The following CSNK2A2IP variants were observed in gnomAD, a reference collection of about 807,000 sequenced individuals.
The protein encoded by CSNK2A2IP is casein kinase 2 subunit alpha' interacting protein.
the CSNK2A2IP span, among the ~76,000 whole-genome samples, chr3:88,421,139 A>T: frequency 6.6e-6 from 1 of 152,124 alleles, no homozygotes; most frequent in Admixed American, 6.5e-5. Flanking sequence ...AGGTTTGCAT[A>T]ACATTCTTTA....
the CSNK2A2IP span, among the ~76,000 whole-genome samples, chr3:88,459,775 A>AT: frequency 2.0e-5 from 3 of 152,152 alleles, no homozygotes; most frequent in African/African-American, 7.2e-5. Flanking sequence ...ATGTTATCAA[A>AT]TGAGTGTTTA....
chr3:88,411,185 A>G, the CSNK2A2IP span, among the ~76,000 whole-genome samples: 23 of 152,090 alleles, frequency 1.5e-4, 1 homozygote, highest in East Asian at 1.7e-3. Context: ...TGATTAAATT[A>G]AAATGCATTT....
chr3:88,346,146 G>A, the CSNK2A2IP span, among the ~76,000 whole-genome samples: 6 of 152,068 alleles, frequency 3.9e-5, no homozygotes, highest in Middle Eastern at 3.4e-3. Flanking sequence ...TCAATTCTAC[G>A]AAGGCTGGAA....
the CSNK2A2IP span, among the ~76,000 whole-genome samples, chr3:88,427,314 G>A: frequency 2.6e-5 from 4 of 152,260 alleles, no homozygotes; most frequent in East Asian, 1.9e-4. Flanking sequence ...GCTGCAAAGC[G>A]TTCAAGAGGA....
chr3:88,428,585 TG>T, the CSNK2A2IP span, among the ~76,000 whole-genome samples: 2 of 152,174 alleles, frequency 1.3e-5, no homozygotes, highest in Non-Finnish European at 2.9e-5. Flanking sequence ...GCCCTCATGC[TG>T]TTCTCGTGAT....
At chr3:88,442,932 GTAATTTTT>G in the CSNK2A2IP span, among the ~76,000 whole-genome samples, 1 of 151,746 alleles carries the variant, frequency 6.6e-6, no homozygotes, top group Non-Finnish European at 1.5e-5. Context: ...TGTTTTCATT[GTAATTTTT>G]TACAATATAA....
the CSNK2A2IP span, among the ~76,000 whole-genome samples, chr3:88,398,102 T>G: frequency 2.6e-5 from 4 of 152,092 alleles, no homozygotes; most frequent in African/African-American, 9.7e-5. Context: ...CTCAGAGAAA[T>G]ATGCTGAATT....
At chr3:88,364,518 AATT>A in the CSNK2A2IP span, among the ~76,000 whole-genome samples, 4 of 152,084 alleles carry the variant, frequency 2.6e-5, no homozygotes, top group African/African-American at 4.8e-5. Context: ...AATAATAAAG[AATT>A]ATTATTATCT....
chr3:88,445,005 A>G, the CSNK2A2IP span, among the ~76,000 whole-genome samples: 1 of 152,078 alleles, frequency 6.6e-6, no homozygotes, highest in East Asian at 1.9e-4. Flanking sequence ...TGATCTTATG[A>G]TAATTTGATA....
At chr3:88,446,208 C>A in the CSNK2A2IP span, among the ~76,000 whole-genome samples, 6 of 151,828 alleles carry the variant, frequency 4.0e-5, no homozygotes, top group African/African-American at 1.2e-4. Context: ...CATGCCTCAG[C>A]CTCCCGAGTA....
At chr3:88,342,236 C>A in the CSNK2A2IP span, among the ~76,000 whole-genome samples, 1 of 152,062 alleles carries the variant, frequency 6.6e-6, no homozygotes, top group Non-Finnish European at 1.5e-5. Flanking sequence ...TCAAAGTTAG[C>A]CTAAAGCTGC....
chr3:88,434,894 A>G, the CSNK2A2IP span, among the ~76,000 whole-genome samples: 1 of 152,160 alleles, frequency 6.6e-6, no homozygotes, highest in Non-Finnish European at 1.5e-5. Context: ...TCAAAAAGAG[A>G]TCCCAAGGCT....
chr3:88,456,671 TC>T, the CSNK2A2IP span, among the ~76,000 whole-genome samples: 1 of 134,724 alleles, frequency 7.4e-6, no homozygotes, highest in African/African-American at 2.6e-5. Flanking sequence ...TTTTTTTTTT[TC>T]AGATGTGCAT....
At chr3:88,409,803 T>C in the CSNK2A2IP span, among the ~76,000 whole-genome samples, 2 of 152,098 alleles carry the variant, frequency 1.3e-5, no homozygotes, top group Admixed American at 6.5e-5. Flanking sequence ...TTGTCTTTAA[T>C]TTTCTATCAG....
the CSNK2A2IP span, among the ~76,000 whole-genome samples, chr3:88,383,006 T>C: frequency 1.3e-5 from 2 of 152,190 alleles, no homozygotes; most frequent in Non-Finnish European, 2.9e-5. Flanking sequence ...TCTGTGGCAT[T>C]GTAAAACAGT....
At chr3:88,440,498 G>C in the CSNK2A2IP span, among the ~76,000 whole-genome samples, 1 of 152,130 alleles carries the variant, frequency 6.6e-6, no homozygotes, top group African/African-American at 2.4e-5. Flanking sequence ...ATATATATAG[G>C]AAAGTGGATA....
the CSNK2A2IP span, among the ~76,000 whole-genome samples, chr3:88,424,636 C>T: frequency 6.6e-6 from 1 of 152,086 alleles, no homozygotes; most frequent in Non-Finnish European, 1.5e-5. Context: ...TGTAAGAAGC[C>T]ACCCATCAAG....
At chr3:88,398,401 G>T in the CSNK2A2IP span, among the ~76,000 whole-genome samples, 2 of 151,998 alleles carry the variant, frequency 1.3e-5, no homozygotes, top group Non-Finnish European at 2.9e-5. Context: ...AAATTATAAA[G>T]AATATTAATG....
the CSNK2A2IP span, among the ~76,000 whole-genome samples, chr3:88,434,958 A>T: frequency 3.0e-4 from 46 of 152,330 alleles, no homozygotes; most frequent in African/African-American, 1.1e-3. Context: ...ATCAGAATTT[A>T]TCACCAAGCT....
Sources: gnomAD v4.1 joint callset for allele counts (sites outside exome capture counted in the v4.1 genomes callset) on GRCh38, gnomAD v4.1.1 for gene constraint, MANE v1.5 for transcripts, NCBI Gene and HGNC (gene_info 2026-07-23, HGNC 2026-07-21) for gene names.